Variants in GALNTL6 observed in about 807,000 individuals in gnomAD.
The protein encoded by GALNTL6 is polypeptide N-acetylgalactosaminyltransferase like 6.
A neutral mutation model predicts 73.7 loss-of-function variants in GALNTL6; 46 were observed. The observed-to-expected ratio is 0.62, with a 90% CI of 0.49 to 0.80. The LOEUF is 0.80. GALNTL6 is among the 30% of genes least tolerant of loss of function. The pLI is 0.00. For missense variants in GALNTL6, 604 were observed against 755.0 expected, an observed-to-expected ratio of 0.80 and a Z score of 2.34; for synonymous variants, 259 against 263.7, an observed-to-expected ratio of 0.98 and a Z score of 0.17.
intron 2 of GALNTL6, among the ~76,000 whole-genome samples, chr4:171,946,477 A>T (rs1480276837): frequency 6.6e-6 from 1 of 152,152 alleles, no homozygotes; most frequent in African/African-American, 2.4e-5. Flanking sequence ...CAGAAGACAT[A>T]AACCCCTTGG....
At chr4:172,361,661 C>G (rs1742375426) in intron 5 of GALNTL6, among the ~76,000 whole-genome samples, 1 of 152,024 alleles carries the variant, frequency 6.6e-6, no homozygotes. Context: ...GGTTAACCCC[C>G]TTTTTTTCAT....
intron 4 of GALNTL6, among the ~76,000 whole-genome samples, chr4:172,339,257 C>CCACACACACACTCACACACA (rs1554015246): frequency 5.8e-5 from 7 of 120,952 alleles, no homozygotes; most frequent in South Asian, 3.0e-4. Flanking sequence ...CACACACACA[C>CCACACACACACTCACACACA]CACACACACA....
chr4:171,933,519 A>G (rs1033862511), intron 2 of GALNTL6, among the ~76,000 whole-genome samples: 2 of 152,202 alleles, frequency 1.3e-5, no homozygotes, highest in Non-Finnish European at 2.9e-5. Flanking sequence ...ATTAATTGTT[A>G]TTAACTGATT....
At chr4:172,804,740 C>T (rs575726332) in intron 5 of GALNTL6, among the ~76,000 whole-genome samples, 1 of 152,298 alleles carries the variant, frequency 6.6e-6, no homozygotes, top group South Asian at 2.1e-4. Flanking sequence ...ATAAGCATAA[C>T]TTATTGAACA....
At chr4:172,194,941 T>A (rs1221986020) in intron 2 of GALNTL6, among the ~76,000 whole-genome samples, 1 of 152,204 alleles carries the variant, frequency 6.6e-6, no homozygotes, top group Non-Finnish European at 1.5e-5. Flanking sequence ...AATTTATGCA[T>A]AATAATATTA....
intron 3 of GALNTL6, among the ~76,000 whole-genome samples, chr4:172,281,025 C>T (rs942744108): frequency 3.6e-4 from 55 of 151,452 alleles, no homozygotes; most frequent in African/African-American, 9.2e-4. Context: ...AAAAATTAGC[C>T]GGGCGTGGTG....
chr4:172,236,537 C>T (rs988323491), intron 3 of GALNTL6, among the ~76,000 whole-genome samples: 3 of 133,230 alleles, frequency 2.3e-5, no homozygotes, highest in South Asian at 2.5e-4. Flanking sequence ...CCAGCCTGGG[C>T]GACAGAGTAA....
At chr4:172,562,711 G>A (rs959911459) in intron 5 of GALNTL6, among the ~76,000 whole-genome samples, 1 of 152,142 alleles carries the variant, frequency 6.6e-6, no homozygotes, top group African/African-American at 2.4e-5. Context: ...TTGTAATCAC[G>A]GATCATTCAC....
At chr4:171,988,820 A>G in intron 2 of GALNTL6, among the ~76,000 whole-genome samples, 1 of 152,022 alleles carries the variant, frequency 6.6e-6, no homozygotes. Context: ...ATAGGATGGT[A>G]AGGGGGGCAT....
At chr4:172,690,805 A>C (rs1297773232) in intron 5 of GALNTL6, among the ~76,000 whole-genome samples, 1 of 152,214 alleles carries the variant, frequency 6.6e-6, no homozygotes. Context: ...TGGTTAACTT[A>C]ATTCTACTGG....
intron 5 of GALNTL6, among the ~76,000 whole-genome samples, chr4:172,617,781 T>C (rs1306198551): frequency 1.3e-5 from 2 of 152,098 alleles, no homozygotes; most frequent in Non-Finnish European, 2.9e-5. Flanking sequence ...GTGCCCAGCC[T>C]TAACTTTATT....
intron 5 of GALNTL6, among the ~76,000 whole-genome samples, chr4:172,693,034 G>T (rs913773057): frequency 1.3e-5 from 2 of 152,154 alleles, no homozygotes; most frequent in African/African-American, 4.8e-5. Context: ...ATAATGTTAC[G>T]TAAGGGATAA....
At chr4:172,113,717 C>T (rs1272355097) in intron 2 of GALNTL6, among the ~76,000 whole-genome samples, 3 of 151,928 alleles carry the variant, frequency 2.0e-5, no homozygotes, top group Non-Finnish European at 2.9e-5. Flanking sequence ...CTTCAGGAAA[C>T]GCATTGAGAT....
intron 2 of GALNTL6, among the ~76,000 whole-genome samples, chr4:172,055,738 A>G (rs1219664327): frequency 6.6e-6 from 1 of 152,106 alleles, no homozygotes; most frequent in Non-Finnish European, 1.5e-5. Context: ...AAGTAATAAC[A>G]CTTACTGATA....
chr4:172,658,162 A>AAAAAAAAG (rs1731164410), intron 5 of GALNTL6, among the ~76,000 whole-genome samples: 3 of 124,406 alleles, frequency 2.4e-5, no homozygotes, highest in African/African-American at 9.2e-5. Context: ...AAAAAAAAAA[A>AAAAAAAAG]AAAAAAAGAA....
chr4:172,111,490 G>A (rs953769143), intron 2 of GALNTL6, among the ~76,000 whole-genome samples: 3 of 151,912 alleles, frequency 2.0e-5, no homozygotes, highest in Admixed American at 1.3e-4. Flanking sequence ...TTAATTGAAT[G>A]AAATAATTTT....
At chr4:172,496,916 A>G (rs1448411679) in intron 5 of GALNTL6, among the ~76,000 whole-genome samples, 1 of 152,194 alleles carries the variant, frequency 6.6e-6, no homozygotes, top group African/African-American at 2.4e-5. Flanking sequence ...TGTTATCATT[A>G]TGTGATTATT....
intron 5 of GALNTL6, among the ~76,000 whole-genome samples, chr4:172,607,672 C>T (rs1306015632): frequency 6.6e-6 from 1 of 152,198 alleles, no homozygotes; most frequent in Non-Finnish European, 1.5e-5. Flanking sequence ...AATTTCCAAA[C>T]TACTTTCCAC....
chr4:172,067,179 C>T (rs930484012), intron 2 of GALNTL6, among the ~76,000 whole-genome samples: 3 of 151,790 alleles, frequency 2.0e-5, no homozygotes, highest in Non-Finnish European at 4.4e-5. Flanking sequence ...TCTAATATTT[C>T]CTACTTTAAA....
Sources: gnomAD v4.1 joint callset for allele counts (sites outside exome capture counted in the v4.1 genomes callset) on GRCh38, gnomAD v4.1.1 for gene constraint, MANE v1.5 for transcripts, NCBI Gene and HGNC (gene_info 2026-07-23, HGNC 2026-07-21) for gene names.